TMEM50B: variants seen among roughly 807,000 people sequenced by gnomAD.
TMEM50B encodes HCV p7-trans-regulated protein 3.
In TMEM50B, 14 loss-of-function variants were observed where a neutral mutation model predicts 23.4. The observed-to-expected ratio is 0.60, with a 90% CI of 0.39 to 0.93. The LOEUF is 0.93. TMEM50B is among the 40% of genes least tolerant of loss of function. TMEM50B has a pLI of 0.00. For synonymous variants in TMEM50B, 64 were observed against 62.3 expected (o/e 1.03, Z -0.13); for missense variants, 159 against 193.0 (o/e 0.82, Z 1.04).
chr21:33,444,544 C>CA (rs56242611), downstream of TMEM50B, among the ~76,000 whole-genome samples: 7,375 of 137,548 alleles, frequency 0.054, 247 homozygotes, highest in Middle Eastern at 0.12. Flanking sequence ...GACCCTGTCT[C>CA]AAAAAAAAAA....
chr21:33,467,132 C>T lies in TMEM50B; in HGVS notation c.100-10G>A, dbSNP rs1209605247. On this transcript the variant is annotated splice_polypyrimidine_tract_variant and intron_variant, in intron 2 of 6. Transcript: ENST00000542230. ...ACCAGCCTGTAAAAAACTTAAAACACAGCCCAAGTCACTGAAACATTAAAA... is the reference window on the plus strand; with the variant it reads ...ACCAGCCTGTAAAAAACTTAAAACATAGCCCAAGTCACTGAAACATTAAAA... 6.2e-7 allele frequency: 1 copy of T among 1,604,662 alleles called. No homozygotes were observed. Among genetic ancestry groups the T allele is most frequent in the African/African-American group, 1.3e-5 (1 of 74,748 alleles).
intron 8 of TMEM50B, among the ~76,000 whole-genome samples, chr21:33,437,706 T>C (rs1235998294): frequency 2.0e-5 from 3 of 152,166 alleles, no homozygotes; most frequent in Non-Finnish European, 4.4e-5. Context: ...GGCCAGGGCC[T>C]AGTGCAGTGG....
rs527866077 is a variant in TMEM50B at position 33,463,852 on chromosome 21, A to G, written c.280+1490T>C. Among the ~76,000 whole-genome samples the G allele has an allele frequency of 3.3e-5, 5 of 152,304 alleles. No homozygotes were observed. In the South Asian group the frequency reaches 1.0e-3, roughly 32 times the overall value. ...AGGATCACTCGAGCCCAGGCTGTTG[A>G]GGCTGCAGTGAGCCAAGATCATGCC... On this transcript the variant is annotated intron_variant, in intron 4 of 6. Coordinates refer to ENST00000542230, the MANE Select transcript of TMEM50B (RefSeq NM_006134.7).
chr21:33,460,306 C>T lies in TMEM50B; in HGVS notation c.373+107G>A, dbSNP rs750835420. On this transcript the variant is annotated intron_variant, in intron 5 of 6. Transcript: ENST00000542230. ...GTATCTTCACACAGAGCAGTATCTT[C>T]AATCTAAGTGAACAATTATACTAAG... The T allele has an allele frequency of 6.7e-6, 5 of 747,516 alleles. No individual in the cohort carries two copies. In the South Asian group the frequency reaches 7.6e-5, roughly 11 times the overall value. 46.3% of individuals were successfully genotyped at this position (747,516 alleles called of 1,614,324 possible). A position where few individuals can be genotyped will look rare whatever the true frequency, so the allele number is the denominator to read the frequency against.
intron 7 of TMEM50B, among the ~76,000 whole-genome samples, chr21:33,443,065 TA>T (rs1020192619): frequency 1.9e-4 from 29 of 152,328 alleles, no homozygotes; most frequent in Middle Eastern, 3.4e-3. Context: ...TTCAGGTGAA[TA>T]AAAATATCTG....
chr21:33,455,887 C>G (rs1183048890), intron 5 of TMEM50B, 103 bp from the exon 6 acceptor site: 3 of 833,768 alleles, frequency 3.6e-6, no homozygotes, highest in Admixed American at 1.9e-5. Flanking sequence ...TTACAACATA[C>G]TGCTATTATT....
chr21:33,437,034 G>C, intron 8 of TMEM50B: 1 of 1,532,006 alleles, frequency 6.5e-7, no homozygotes, highest in Non-Finnish European at 9.0e-7. Flanking sequence ...AGTTCTGTCT[G>C]GACTTTCCAG....
At chr21:33,456,026 A>C (rs1382746285) in intron 5 of TMEM50B, 1 of 682,296 alleles carries the variant, frequency 1.5e-6, no homozygotes, top group Non-Finnish European at 2.8e-6. Flanking sequence ...TAGTCAAAGT[A>C]ATTGCTGGTT....
At chr21:33,440,893 T>A (rs994558988) in intron 7 of TMEM50B, among the ~76,000 whole-genome samples, 1 of 149,790 alleles carries the variant, frequency 6.7e-6, no homozygotes, top group African/African-American at 2.5e-5. Context: ...AAAATAATAA[T>A]AAAATAAAAT....
chr21:33,447,840 A>C (rs1333635680), downstream of TMEM50B, among the ~76,000 whole-genome samples: 1 of 152,086 alleles, frequency 6.6e-6, no homozygotes, highest in Non-Finnish European at 1.5e-5. Flanking sequence ...TCCACACACA[A>C]AAAACACTCA....
chr21:33,479,124 C>T lies in TMEM50B; in HGVS notation c.-42+714G>A, dbSNP rs575266793. Reference sequence around the variant, plus strand: ...ACGTATTTACCTTAGAATTTCAGCACCTTCCAACTTACTGTTTTAAGTACC... The same window carrying T: ...ACGTATTTACCTTAGAATTTCAGCATCTTCCAACTTACTGTTTTAAGTACC... On this transcript the variant is annotated intron_variant, in intron 1 of 6. Coordinates refer to ENST00000542230, the MANE Select transcript of TMEM50B (RefSeq NM_006134.7). The T allele has an allele frequency of 5.9e-4, 141 of 238,806 alleles. 1 individual carries two copies. The Admixed American group carries it at 6.9e-3, about 12-fold the overall frequency. 14.8% of individuals were successfully genotyped at this position (238,806 alleles called of 1,614,324 possible).
intron 4 of TMEM50B, among the ~76,000 whole-genome samples, chr21:33,462,762 TACA>T (rs2123438770): frequency 6.6e-6 from 1 of 152,350 alleles, no homozygotes; most frequent in East Asian, 1.9e-4. Context: ...ATGCTCTACA[TACA>T]ACATCTTCAC....
At chr21:33,464,443 A>G (rs377280577) in intron 4 of TMEM50B, among the ~76,000 whole-genome samples, 115 of 148,790 alleles carry the variant, frequency 7.7e-4, no homozygotes, top group Middle Eastern at 3.5e-3. Context: ...TAGGTGTTCC[A>G]CCCGTCTCAG....
chr21:33,476,184 G>A (rs1015381267), intron 1 of TMEM50B, among the ~76,000 whole-genome samples: 8 of 152,184 alleles, frequency 5.3e-5, no homozygotes, highest in African/African-American at 1.7e-4. Flanking sequence ...CCCTGAGATC[G>A]GGAGTTCAAG....
exon 9 of TMEM50B, chr21:33,432,515 C>T (rs920953763): frequency 3.6e-6 from 3 of 834,878 alleles, no homozygotes; most frequent in Non-Finnish European, 6.0e-6. Context: ...GGCTACCAGA[C>T]AGCTACCACT....
In TMEM50B at chr21:33,479,960, ACG is replaced by A. The variant is rs1448003696; in HGVS notation, c.-166_-165del. 3 of 152,212 alleles carry A rather than the reference ACG, an allele frequency of 2.0e-5. No homozygotes were observed. Among genetic ancestry groups the A allele is most frequent in the Middle Eastern group, 6.8e-3 (2 of 292 alleles). 9.4% of individuals were successfully genotyped at this position (152,212 alleles called of 1,614,324 possible). A position where few individuals can be genotyped will look rare whatever the true frequency, so the allele number is the denominator to read the frequency against. On this transcript the variant is annotated 5_prime_UTR_variant, in exon 1 of 7. Transcript: ENST00000542230. Reference sequence around the variant, plus strand: ...CCCGGGAGCCCGGAGCTGGGAGCAGACGCGAGGATAGAGCGCCGGTGAGGCGG... The same window carrying A: ...CCCGGGAGCCCGGAGCTGGGAGCAGACGAGGATAGAGCGCCGGTGAGGCGG...
chr21:33,463,194 A>G (rs769767580), intron 4 of TMEM50B, among the ~76,000 whole-genome samples: 3 of 152,248 alleles, frequency 2.0e-5, no homozygotes, highest in Non-Finnish European at 4.4e-5. Flanking sequence ...CAGGAGGCTG[A>G]GGCAGAAGAA....
At chr21:33,454,892 A>AAATTGTCTGAG (rs1428222335) in intron 6 of TMEM50B, among the ~76,000 whole-genome samples, 52 of 152,164 alleles carry the variant, frequency 3.4e-4, no homozygotes, top group Middle Eastern at 3.4e-3. Flanking sequence ...CGAGGCAGGC[A>AAATTGTCTGAG]AATTGTCTGA....
At chr21:33,446,773 C>T (rs952299852), downstream of TMEM50B, among the ~76,000 whole-genome samples, 1 of 151,464 alleles carries the variant, frequency 6.6e-6, no homozygotes, top group African/African-American at 2.4e-5. Flanking sequence ...ACTCAGGAGG[C>T]TGAGGCAGGA....
Sources: gnomAD v4.1 joint callset for allele counts (sites outside exome capture counted in the v4.1 genomes callset) on GRCh38, gnomAD v4.1.1 for gene constraint, MANE v1.5 for transcripts, NCBI Gene and HGNC (gene_info 2026-07-23, HGNC 2026-07-21) for gene names.